Variants in INPPL1 observed in about 807,000 individuals in gnomAD.
The protein encoded by INPPL1 is inositol polyphosphate phosphatase like 1.
In INPPL1, 91 loss-of-function variants were observed where a neutral mutation model predicts 139.3. That is an observed-to-expected ratio of 0.65 (90% CI 0.55 to 0.78). The LOEUF (loss-of-function observed/expected upper bound fraction) is 0.78. INPPL1 is among the 30% of genes least tolerant of loss of function. The probability of loss-of-function intolerance (pLI) is 0.00; values close to 1 mark genes in which losing one functional copy is unlikely to be tolerated. For synonymous variants in INPPL1, 719 were observed against 686.6 expected, an observed-to-expected ratio of 1.05 and a Z score of -0.74; for missense variants, 1,411 against 1,665.6, an observed-to-expected ratio of 0.85 and a Z score of 2.66.
chr11:72,237,444 C>A lies in INPPL1; in HGVS notation c.3200C>A (p.Pro1067His), dbSNP rs1949020040. The A allele has an allele frequency of 1.9e-6, 3 of 1,610,690 alleles. No homozygotes were observed. The highest frequency in any genetic ancestry group is 2.5e-6 in the Non-Finnish European group (3 of 1,177,810). Residue 1067 changes from proline to histidine, a missense_variant, in exon 26 of 28, where the codon CCC becomes CAC. Pro to His is a moderately conservative substitution (Grantham distance 77, BLOSUM62 -2). Transcript: ENST00000298229. ...CCGGACTCAGCCATCTTCCTGCCCC[C>A]CAGCCTGGATCCTTTACCAGGGCCA... ...PLPDSAIFLPPSLDPLPGPVV... is the reference protein window; with the variant it reads ...PLPDSAIFLPHSLDPLPGPVV...
Position 72,224,941 on chromosome 11 carries a change from G to C in INPPL1, c.-44G>C. On this transcript the variant is annotated 5_prime_UTR_variant, in exon 1 of 28. Coordinates refer to ENST00000298229, the MANE Select transcript of INPPL1 (RefSeq NM_001567.4). ...AGCCCTGAGCGTCTCGGGGCGGATG[G>C]CGCGGGGCGGCGGGGGCGGGCGGTG... The C allele has an allele frequency of 9.5e-7, 1 of 1,049,500 alleles. No homozygotes were observed. Among genetic ancestry groups the C allele is most frequent in the Non-Finnish European group, 1.1e-6 (1 of 872,532 alleles). 65.0% of individuals were successfully genotyped at this position (1,049,500 alleles called of 1,614,324 possible).
chr11:72,228,563 C>A lies in INPPL1; in HGVS notation c.397+65C>A. On this transcript the variant is annotated intron_variant, in intron 3 of 27. Coordinates refer to ENST00000298229, the MANE Select transcript of INPPL1 (RefSeq NM_001567.4). This position sits in a 1 kb window ranked among gnomAD's most constrained non-coding sequence, Gnocchi z 5.0. ...CTTGGCTCTACCTGCCTCTTCCCATCCCCCCTTCTCAACCCCACCTCTCCT... is the reference window on the plus strand; with the variant it reads ...CTTGGCTCTACCTGCCTCTTCCCATACCCCCTTCTCAACCCCACCTCTCCT... The A allele has an allele frequency of 6.4e-7, 1 of 1,569,284 alleles. No homozygotes were observed.
rs1032788711 is a variant in INPPL1 at position 72,235,049 on chromosome 11, C to T, written c.2416-67C>T. The T allele has an allele frequency of 6.1e-5, 80 of 1,304,794 alleles. No homozygotes were observed. The African/African-American group carries it at 1.1e-3, about 18-fold the overall frequency. 80.8% of individuals were successfully genotyped at this position (1,304,794 alleles called of 1,614,324 possible). A position where few individuals can be genotyped will look rare whatever the true frequency, so the allele number is the denominator to read the frequency against. Reference sequence around the variant, plus strand: ...GTGGGGATTGAGTGGTGTCAGGGGGCAGCGCGTAGGAGGGGCAGGAGGAAG... The same window carrying T: ...GTGGGGATTGAGTGGTGTCAGGGGGTAGCGCGTAGGAGGGGCAGGAGGAAG... On this transcript the variant is annotated intron_variant, in intron 21 of 27. Transcript: ENST00000298229. This position sits in a 1 kb window ranked among gnomAD's most constrained non-coding sequence, Gnocchi z 4.9.
In INPPL1 at chr11:72,230,618, CG is replaced by C. The variant is rs551020640; in HGVS notation, c.1197+153del. ...CTGACAGGGTAGAGGGTGTTGAGAACGGGTGGCCTGAGGGTGGATAACATTT... is the reference window on the plus strand; with the variant it reads ...CTGACAGGGTAGAGGGTGTTGAGAACGGTGGCCTGAGGGTGGATAACATTT... On this transcript the variant is annotated intron_variant, in intron 10 of 27. Transcript: ENST00000298229. 4.9e-5 allele frequency: 43 copies of C among 877,916 alleles called. 1 individual carries two copies. The highest frequency in any genetic ancestry group is 6.8e-5 in the Non-Finnish European group (38 of 555,056). 54.4% of individuals were successfully genotyped at this position (877,916 alleles called of 1,614,324 possible).
chr11:72,234,288 A>C lies in INPPL1; in HGVS notation c.2220A>C (p.Ser740=). The C allele has an allele frequency of 6.2e-7, 1 of 1,613,230 alleles. No individual in the cohort carries two copies. The highest frequency in any genetic ancestry group is 8.5e-7 in the Non-Finnish European group (1 of 1,179,408). ...TCCTCCCTTTCTCCTCAGGGCTCTC[A>C]AAGACTTCAGACCAGGCCTACATTG... ...TSQFISKKGL[S]KTSDQAYIEF... The change falls in exon 20 of 28, where the codon TCA becomes TCC. Residue 740 remains serine, a synonymous_variant. Coordinates refer to ENST00000298229, the MANE Select transcript of INPPL1 (RefSeq NM_001567.4). The surrounding 1 kb of genome is among the most constrained non-coding windows in gnomAD (Gnocchi z 4.2).
Position 72,230,220 on chromosome 11 carries a change from CGGAGACAGCG to C in INPPL1, c.1043_1052del (p.Arg348ThrfsTer61). 6.2e-7 allele frequency: 1 copy of C among 1,611,100 alleles called. No individual in the cohort carries two copies. On this transcript the variant is annotated frameshift_variant, in exon 9 of 28. Transcript: ENST00000298229. LOFTEE classifies it high-confidence loss of function. ...GGAGGGTGGGCGGCTGGTGCTGCTGCGGAGACAGCGGGACTCCCAGGAGGACTGGACCACC... is the reference window on the plus strand; with the variant it reads ...GGAGGGTGGGCGGCTGGTGCTGCTGCGGACTCCCAGGAGGACTGGACCACC...
chr11:72,227,512 G>T (rs919142728), intron 1 of INPPL1, among the ~76,000 whole-genome samples: 1 of 152,246 alleles, frequency 6.6e-6, no homozygotes, highest in East Asian at 1.9e-4. Flanking sequence ...GGGGAAGCAT[G>T]CCCTGAGGTG....
chr11:72,229,157 G>C lies in INPPL1; in HGVS notation c.586G>C (p.Ala196Pro). Reference protein sequence around the residue: ...LKGSYGLDLEAVRGGASHLPH... With the variant: ...LKGSYGLDLEPVRGGASHLPH... ...AGGCAGCTATGGGCTGGACCTGGAA[G>C]CTGTGAGGGGTGGAGCCAGCCACCT... Residue 196 changes from alanine to proline, a missense_variant, in exon 5 of 28, where the codon GCT becomes CCT. Physicochemically the swap from Ala to Pro is conservative, Grantham distance 27. This residue lies in a region of INPPL1 where 504 missense variants were observed against 595.6 expected (regional missense o/e 0.85). Transcript: ENST00000298229. 6.2e-7 allele frequency: 1 copy of C among 1,613,846 alleles called. No individual in the cohort carries two copies. Among genetic ancestry groups the C allele is most frequent in the South Asian group, 1.1e-5 (1 of 91,066 alleles).
intron 25 of INPPL1, among the ~76,000 whole-genome samples, chr11:72,236,849 A>ATTT (rs964084124): frequency 6.6e-5 from 10 of 152,148 alleles, no homozygotes; most frequent in Non-Finnish European, 1.5e-4. Context: ...ATTCTGACCC[A>ATTT]TTTAGCTTGG....
At chr11:72,233,833 AGT>A (rs756546946) in intron 19 of INPPL1, 89 bp downstream of exon 19, 238 of 1,025,098 alleles carry the variant, frequency 2.3e-4, no homozygotes, top group Non-Finnish European at 3.1e-4. Flanking sequence ...TGACTATGTA[AGT>A]GTGTGTGTGG....
rs1948628672 is a variant in INPPL1, at chr11:72,225,036, G to A, written c.52G>A (p.Ala18Thr). ...PGPGGALGSQ[A>T]PSWYHRDLSR... Reference sequence around the variant, plus strand: ...CCCGGGGGGCGCCCTGGGCAGCCAGGCCCCCTCCTGGTACCACCGCGACCT... The same window carrying A: ...CCCGGGGGGCGCCCTGGGCAGCCAGACCCCCTCCTGGTACCACCGCGACCT... Residue 18 changes from alanine (A) to threonine (T), a missense_variant, in exon 1 of 28, where the codon GCC becomes ACC. Physicochemically the swap from Ala to Thr is moderately conservative, Grantham distance 58. Around this residue, in one of 5 missense-constraint regions of INPPL1, gnomAD observed 504 missense variants for 595.6 expected, o/e 0.85. Coordinates refer to ENST00000298229, the MANE Select transcript of INPPL1 (RefSeq NM_001567.4). 8.1e-7 allele frequency: 1 copy of A among 1,227,298 alleles called. No homozygotes were observed. Among genetic ancestry groups the A allele is most frequent in the Non-Finnish European group, 1.0e-6 (1 of 985,596 alleles). The allele number at this position is 1,227,298 out of a possible 1,614,324, so 76.0% of individuals were successfully genotyped here.
At chr11:72,232,140 C>T in intron 13 of INPPL1, 100 bp from the exon 14 acceptor site, 1 of 942,658 alleles carries the variant, frequency 1.1e-6, no homozygotes, top group South Asian at 1.4e-5. Flanking sequence ...CTGGTGGGCT[C>T]AGCGGGAGGA....
chr11:72,235,542 T>G lies in INPPL1; in HGVS notation c.2659+91T>G. On this transcript the variant is annotated intron_variant, in intron 23 of 27. Coordinates refer to ENST00000298229, the MANE Select transcript of INPPL1 (RefSeq NM_001567.4). This position sits in a 1 kb window ranked among gnomAD's most constrained non-coding sequence, Gnocchi z 4.9. Reference sequence around the variant, plus strand: ...GGCATGTTGGAATCTCTGGGATACCTGGAGGTTCTGCAGCCACAGCTGGGA... The same window carrying G: ...GGCATGTTGGAATCTCTGGGATACCGGGAGGTTCTGCAGCCACAGCTGGGA... 6.4e-7 allele frequency: 1 copy of G among 1,555,946 alleles called. No homozygotes were observed. The highest frequency in any genetic ancestry group is 1.2e-5 in the South Asian group (1 of 85,362).
rs71726140 is a variant in INPPL1, at chr11:72,238,799, TGAAG to T, written c.*450_*453del. The T allele has an allele frequency of 0.026, 4,052 of 153,486 alleles. 103 individuals are homozygous for T. Among genetic ancestry groups the T allele is most frequent in the Non-Finnish European group, 0.035 (2,382 of 68,676 alleles). The allele number at this position is 153,486 out of a possible 1,614,324, so 9.5% of individuals were successfully genotyped here. On this transcript the variant is annotated 3_prime_UTR_variant, in exon 28 of 28. Transcript: ENST00000298229. ...GTGGGGGCGGGTGTCCGTCCGGAAA[TGAAG>T]GAATAGCCCGAGGACCGGGCTGGGG...
At position 72,237,405 on chromosome 11, in the gene INPPL1, C is replaced by T. The variant is rs752481328; in HGVS notation, c.3161C>T (p.Pro1054Leu). The change falls in exon 26 of 28, where the codon CCA becomes CTA. Residue 1054 changes from proline (P) to leucine (L), a missense_variant. Around this residue, in one of 5 missense-constraint regions of INPPL1, gnomAD observed 438 missense variants for 425.7 expected, o/e 1.03. Coordinates refer to ENST00000298229, the MANE Select transcript of INPPL1 (RefSeq NM_001567.4). The part of the protein sequence containing the change: ...SGGTLPPPDF[P>L]PPPLPDSAIF... ...GGCACACTGCCCCCTCCAGACTTTCCACCTCCACCACTGCCGGACTCAGCC... is the reference window on the plus strand; with the variant it reads ...GGCACACTGCCCCCTCCAGACTTTCTACCTCCACCACTGCCGGACTCAGCC... 11 of 1,613,008 alleles carry T rather than the reference C, an allele frequency of 6.8e-6. No homozygotes were observed. The highest frequency in any genetic ancestry group is 1.3e-5 in the African/African-American group (1 of 74,916).
In INPPL1 at chr11:72,238,403, A is replaced by G; in HGVS notation, c.*50A>G. ...AACTCAGAGCCCCTCCCTGCTACCA[A>G]GGCCCAGCTATGGCCCCAGGGTTGA... is the stretch of plus-strand genomic sequence containing the variant. On this transcript the variant is annotated 3_prime_UTR_variant, in exon 28 of 28. Transcript: ENST00000298229. 1 of 1,465,314 alleles carries G rather than the reference A, an allele frequency of 6.8e-7. No individual in the cohort carries two copies. The highest frequency in any genetic ancestry group is 9.1e-7 in the Non-Finnish European group (1 of 1,096,126). The allele number at this position is 1,465,314 out of a possible 1,614,324, so 90.8% of individuals were successfully genotyped here.
Position 72,224,995 on chromosome 11 carries a change from C to T in INPPL1, c.11C>T (p.Ala4Val), listed in dbSNP as rs1284860072. 2 of 1,191,858 alleles carry T rather than the reference C, an allele frequency of 1.7e-6. No individual in the cohort carries two copies. Among genetic ancestry groups the T allele is most frequent in the Non-Finnish European group, 2.1e-6 (2 of 962,610 alleles). 73.8% of individuals were successfully genotyped at this position (1,191,858 alleles called of 1,614,324 possible). ...AGCCCTGCGCGGGCCATGGCCTCGG[C>T]CTGCGGGGCGCCGGGCCCGGGGGGC... is the stretch of plus-strand genomic sequence containing the variant. The part of the protein sequence containing the change: MAS[A>V]CGAPGPGGAL... Residue 4 changes from alanine to valine, a missense_variant, in exon 1 of 28, where the codon GCC becomes GTC. Ala to Val is a moderately conservative substitution (Grantham distance 64). This residue lies in a region of INPPL1 where 504 missense variants were observed against 595.6 expected (regional missense o/e 0.85). Transcript: ENST00000298229.
At chr11:72,232,475 C>G (rs1948862105) in intron 14 of INPPL1, 139 bp downstream of exon 14, 1 of 1,205,002 alleles carries the variant, frequency 8.3e-7, no homozygotes, top group Non-Finnish European at 1.2e-6. Flanking sequence ...CAATTCAAGA[C>G]CCTTCTGTTC....
In INPPL1 at chr11:72,234,127, T is replaced by G. The variant is rs549386968; in HGVS notation, c.2213-154T>G. On this transcript the variant is annotated intron_variant, in intron 19 of 27. Coordinates refer to ENST00000298229, the MANE Select transcript of INPPL1 (RefSeq NM_001567.4). This position sits in a 1 kb window ranked among gnomAD's most constrained non-coding sequence, Gnocchi z 4.2. Reference sequence around the variant, plus strand: ...TGGTCCAGGGTCTGGCCTCTGGAGATTCCCTGTTGGTGGCTTGGGACTGGG... The same window carrying G: ...TGGTCCAGGGTCTGGCCTCTGGAGAGTCCCTGTTGGTGGCTTGGGACTGGG... Among the ~76,000 whole-genome samples the G allele has an allele frequency of 1.1e-3, 174 of 152,288 alleles. 5 individuals carry two copies. The highest frequency in any genetic ancestry group is 0.011 in the Admixed American group (174 of 15,306).
Sources: gnomAD v4.1 joint callset for allele counts (sites outside exome capture counted in the v4.1 genomes callset) on GRCh38, gnomAD v4.1.1 for gene constraint, gnomAD v4.1.1 regional missense constraint, Gnocchi (gnomAD v3.1) non-coding constraint, MANE v1.5 for transcripts, NCBI Gene and HGNC (gene_info 2026-07-23, HGNC 2026-07-21) for gene names.